GGT5: variants seen among roughly 807,000 people sequenced by gnomAD.
GGT5 encodes the protein gamma-glutamyltransferase 5, also known as glutathione hydrolase 5 proenzyme.
A neutral mutation model predicts 58.1 loss-of-function variants in GGT5; 50 were observed. That is an observed-to-expected ratio of 0.86 (90% CI 0.69 to 1.09). GGT5 has a LOEUF of 1.09. GGT5 is among the 50% of genes least tolerant of loss of function. The pLI, the probability that GGT5 is intolerant of heterozygous loss-of-function variation, is 0.00. For synonymous variants in GGT5, 370 were observed against 346.1 expected (o/e 1.07, Z -0.77); for missense variants, 800 against 789.4 (o/e 1.01, Z -0.16).
intron 1 of GGT5, among the ~76,000 whole-genome samples, chr22:24,239,644 A>T (rs1031507960): frequency 2.0e-5 from 3 of 152,046 alleles, no homozygotes; most frequent in Admixed American, 6.6e-5. Flanking sequence ...CAACATAAAT[A>T]AGAATAAAAA....
intron 1 of GGT5, among the ~76,000 whole-genome samples, chr22:24,238,648 G>A (rs1271741105): frequency 7.7e-6 from 1 of 129,398 alleles, no homozygotes; most frequent in Non-Finnish European, 1.6e-5. Flanking sequence ...AAGTTGCAGT[G>A]AGCTGAGATC....
At chr22:24,226,527 A>T (rs746807799) in intron 7 of GGT5, 104 bp downstream of exon 7, 21 of 1,266,066 alleles carry the variant, frequency 1.7e-5, no homozygotes, top group Non-Finnish European at 2.3e-5. Flanking sequence ...AACCACATAC[A>T]TATCCCTCCA....
At chr22:24,234,027 G>A (rs967079940) in intron 1 of GGT5, 23 bp from the exon 2 acceptor site, 1 of 1,582,568 alleles carries the variant, frequency 6.3e-7, no homozygotes, top group Non-Finnish European at 8.6e-7. Context: ...GCACAGAGTC[G>A]CTGTGGGGCT....
intron 6 of GGT5, among the ~76,000 whole-genome samples, chr22:24,228,144 C>T (rs1003222195): frequency 6.6e-6 from 1 of 151,316 alleles, no homozygotes; most frequent in Non-Finnish European, 1.5e-5. Context: ...CACAAGTGCC[C>T]CGTTCTCGGC....
chr22:24,241,546 T>A (rs1601435487), intron 1 of GGT5: 1 of 152,258 alleles, frequency 6.6e-6, no homozygotes, highest in East Asian at 1.9e-4. Flanking sequence ...GGTAATCTGT[T>A]TTACCTAAAG....
At chr22:24,227,451 T>C (rs1342068857) in intron 6 of GGT5, among the ~76,000 whole-genome samples, 1 of 152,158 alleles carries the variant, frequency 6.6e-6, no homozygotes, top group Admixed American at 6.5e-5. Context: ...TTTACTGTGT[T>C]GGCCAGGCTG....
Position 24,231,396 on chromosome 22 carries a change from T to G in GGT5, c.889A>C (p.Asn297His). 6.5e-7 allele frequency: 1 copy of G among 1,549,960 alleles called. No individual in the cohort carries two copies. The highest frequency in any genetic ancestry group is 8.7e-7 in the Non-Finnish European group (1 of 1,146,498). The change falls in exon 6 of 12, where the codon AAC becomes CAC. Residue 297 changes from asparagine (N) to histidine (H), a missense_variant. Physicochemically the swap from Asn to His is moderately conservative, Grantham distance 68. Coordinates refer to ENST00000327365, the MANE Select transcript of GGT5 (RefSeq NM_004121.5). ...AGGAILSFIL[N>H]VLRGFNFSTE... Reference sequence around the variant, plus strand: ...GCAGGGGCTTTACCTCTTAGCACGTTGAGGATAAAGCTGAGAATGGCACCC... The same window carrying G: ...GCAGGGGCTTTACCTCTTAGCACGTGGAGGATAAAGCTGAGAATGGCACCC...
At chr22:24,226,905 GA>G (rs1389203270) in intron 6 of GGT5, 138 bp from the exon 7 acceptor site, 21 of 533,162 alleles carry the variant, frequency 3.9e-5, no homozygotes, top group Non-Finnish European at 6.7e-5. Flanking sequence ...TACAGCACAA[GA>G]GTGACTAATA....
At chr22:24,243,812 C>T (rs1421253425) in intron 1 of GGT5, 1 of 152,182 alleles carries the variant, frequency 6.6e-6, no homozygotes, top group African/African-American at 2.4e-5. Flanking sequence ...AGTCACTCAG[C>T]TCACGAGACC....
intron 11 of GGT5, among the ~76,000 whole-genome samples, chr22:24,224,163 CAGA>C (rs1245048207): frequency 6.6e-6 from 1 of 151,976 alleles, no homozygotes; most frequent in Non-Finnish European, 1.5e-5. Context: ...GGGAGTCAGC[CAGA>C]AGAATTCAGC....
Position 24,232,064 on chromosome 22 carries a change from G to A in GGT5, c.741C>T (p.Asp247=), listed in dbSNP as rs2047958329. 1 of 1,613,262 alleles carries A rather than the reference G, an allele frequency of 6.2e-7. No individual in the cohort carries two copies. The highest frequency in any genetic ancestry group is 2.2e-5 in the East Asian group (1 of 44,886). ...TGRLGQMLVE[D]IAKEGSQLTL... is the part of the protein sequence containing the mutation. ...AGGGAGGCTGACCTTCCTTGGCAAT[G>A]TCCTCCACCAGCATCTGGCCCAGCC... Residue 247 remains aspartate (D), a synonymous_variant, in exon 5 of 12, where the codon GAC becomes GAT. Coordinates refer to ENST00000327365, the MANE Select transcript of GGT5 (RefSeq NM_004121.5).
At chr22:24,227,861 C>T (rs1283418380) in intron 6 of GGT5, among the ~76,000 whole-genome samples, 1 of 151,714 alleles carries the variant, frequency 6.6e-6, no homozygotes, top group Non-Finnish European at 1.5e-5. Context: ...ACCAGCCTGA[C>T]TAACATGGTG....
rs142733225 is a variant in GGT5 at position 24,225,625 on chromosome 22, C to T, written c.1257G>A (p.Arg419=). 1.6e-4 allele frequency: 255 copies of T among 1,612,842 alleles called. 1 individual carries two copies. In the African/African-American group the frequency reaches 3.0e-3, roughly 19 times the overall value. ...TPFGAMVYSP[R]TGIILNNELL... ...GCTCGTTGTTGAGGATGATGCCTGT[C>T]CGTGGTGAATACACCATCGCTCCAA... Residue 419 remains arginine, a synonymous_variant, in exon 9 of 12, where the codon CGG becomes CGA. Transcript: ENST00000327365.
chr22:24,228,052 AAAAAAAAAAAAAAACAAAAC>A (rs1467865586), intron 6 of GGT5, among the ~76,000 whole-genome samples: 2,894 of 115,988 alleles, frequency 0.025, 259 homozygotes, highest in African/African-American at 0.086. Flanking sequence ...CTGTCTCAAA[AAAAAAAAAAAAAAACAAAAC>A]AAAAAAAAAA....
At chr22:24,237,345 G>A (rs1157818529) in intron 1 of GGT5, among the ~76,000 whole-genome samples, 3 of 152,056 alleles carry the variant, frequency 2.0e-5, no homozygotes, top group Non-Finnish European at 4.4e-5. Context: ...AATCATCTCA[G>A]TCACTCAAAT....
rs1347179749 is a variant in GGT5 at position 24,219,940 on chromosome 22, C to A, written c.*30G>T. 3 of 1,610,558 alleles carry A rather than the reference C, an allele frequency of 1.9e-6. No individual in the cohort carries two copies. Among genetic ancestry groups the A allele is most frequent in the Non-Finnish European group, 2.5e-6 (3 of 1,177,464 alleles). On this transcript the variant is annotated 3_prime_UTR_variant, in exon 12 of 12. Coordinates refer to ENST00000327365, the MANE Select transcript of GGT5 (RefSeq NM_004121.5). The stretch of plus-strand genomic sequence containing the variant: ...CCTGGACACAGGACTCATGGTGGGG[C>A]CAGACTTCAGCTCTGGGCAGAGCAG...
At chr22:24,238,898 T>TA (rs1241810070) in intron 1 of GGT5, among the ~76,000 whole-genome samples, 2 of 12,408 alleles carry the variant, frequency 1.6e-4, no homozygotes, top group African/African-American at 2.7e-4. Flanking sequence ...ATTTTATATA[T>TA]ATATATATTA....
chr22:24,241,817 TC>T (rs1601436130), intron 1 of GGT5: 3 of 106,854 alleles, frequency 2.8e-5, no homozygotes, highest in African/African-American at 7.7e-5. Context: ...TTTCTTTCTT[TC>T]TTTTTTTTTT....
Position 24,226,220 on chromosome 22 carries a change from C to A in GGT5, c.1085G>T (p.Arg362Leu). Residue 362 changes from arginine to leucine, a missense_variant, in exon 8 of 12, where the codon CGC becomes CTC. Coordinates refer to ENST00000327365, the MANE Select transcript of GGT5 (RefSeq NM_004121.5). ...LLGETLAQLI[R>L]QQIDGRGDHQ... ...GTCCCCCCGGCCATCGATCTGTTGG[C>A]GGATGAGCTGGGCCAGGGTCTCCCC... 1.2e-6 allele frequency: 2 copies of A among 1,608,674 alleles called. No homozygotes were observed. The highest frequency in any genetic ancestry group is 1.7e-6 in the Non-Finnish European group (2 of 1,179,486).
Sources: allele counts gnomAD v4.1 joint callset (sites outside exome capture counted in the v4.1 genomes callset), GRCh38; gene constraint gnomAD v4.1.1; transcripts MANE v1.5; gene names NCBI Gene and HGNC (gene_info 2026-07-23, HGNC 2026-07-21).